LINGO1: variants seen among roughly 807,000 people sequenced by gnomAD.
LINGO1 encodes leucine rich repeat and Ig domain containing 1.
LINGO1 carries 11 observed loss-of-function variants against 37.3 expected under a neutral mutation model. That is an observed-to-expected ratio of 0.29 (90% confidence interval 0.19 to 0.49). The LOEUF is 0.49. LINGO1 is among the 20% of genes least tolerant of loss of function. LINGO1 has a pLI of 0.99. For synonymous variants in LINGO1, 387 were observed against 403.0 expected (o/e 0.96, Z 0.48); for missense variants, 585 against 878.2 (o/e 0.67, Z 4.22).
intron 1 of LINGO1, among the ~76,000 whole-genome samples, chr15:77,746,982 A>C (rs1226199303): frequency 6.6e-6 from 1 of 152,188 alleles, no homozygotes; most frequent in Non-Finnish European, 1.5e-5. Flanking sequence ...AGGAGAGGGC[A>C]GGGACTTACC....
chr15:77,783,285 G>A (rs1045323026), intron 1 of LINGO1, among the ~76,000 whole-genome samples: 7 of 152,190 alleles, frequency 4.6e-5, no homozygotes, highest in African/African-American at 7.2e-5. Context: ...TGTGCATAAC[G>A]TTCTAGCTGC....
At chr15:77,652,483 A>AGTGTGTG (rs2074780121) in intron 3 of LINGO1, among the ~76,000 whole-genome samples, 1 of 128,878 alleles carries the variant, frequency 7.8e-6, no homozygotes, top group Non-Finnish European at 1.6e-5. Context: ...GGGGAGGGAG[A>AGTGTGTG]GTGTGTGTGT....
At chr15:77,797,647 G>A (rs1458233185) in intron 1 of LINGO1, among the ~76,000 whole-genome samples, 2 of 152,212 alleles carry the variant, frequency 1.3e-5, no homozygotes, top group Non-Finnish European at 2.9e-5. Flanking sequence ...AGCAGCTTCC[G>A]CCTTCCCTGG....
At chr15:77,697,182 C>T (rs1039555322), upstream of LINGO1, among the ~76,000 whole-genome samples, 8 of 152,164 alleles carry the variant, frequency 5.3e-5, no homozygotes, top group African/African-American at 1.9e-4. Flanking sequence ...GCTGGAGCAG[C>T]TCAGGCCAGG....
In LINGO1 at chr15:77,658,567, G is replaced by A. The variant is rs928035772; in HGVS notation, c.-13+18522C>T. Among the ~76,000 whole-genome samples, 10 of 152,366 alleles carry A rather than the reference G, an allele frequency of 6.6e-5. No individual in the cohort carries two copies. The East Asian group carries it at 1.9e-3, about 29-fold the overall frequency. ...AAGTAATAACAGACTGACAAACTGG[G>A]ACTTCCAACAAAAGAAAGAGGAAGA... On this transcript the variant is annotated intron_variant, in intron 3 of 3. Coordinates refer to the LINGO1 transcript ENST00000559893.
At position 77,632,492 on chromosome 15, in the gene LINGO1, G is replaced by A; in HGVS notation, c.-177C>T. ...GCTGTCCGTCTGTCCGCCCCGCGCG[G>A]GCGGGAGCCGAGCCGGAGCCGGGGC... On this transcript the variant is annotated 5_prime_UTR_variant, in exon 1 of 2. Transcript: ENST00000355300. The surrounding 1 kb of genome is among the most constrained non-coding windows in gnomAD (Gnocchi z 6.0). 1 of 540,342 alleles carries A rather than the reference G, an allele frequency of 1.9e-6. No homozygotes were observed. Among genetic ancestry groups the A allele is most frequent in the Non-Finnish European group, 2.7e-6 (1 of 369,050 alleles). The allele number at this position is 540,342 out of a possible 1,614,324, so 33.5% of individuals were successfully genotyped here. A position where few individuals can be genotyped will look rare whatever the true frequency, so the allele number is the denominator to read the frequency against.
At chr15:77,812,891 C>T (rs752731699) in intron 1 of LINGO1, among the ~76,000 whole-genome samples, 1 of 152,204 alleles carries the variant, frequency 6.6e-6, no homozygotes, top group Non-Finnish European at 1.5e-5. Flanking sequence ...ACCCATAACT[C>T]GGGAGCTTCT....
upstream of LINGO1, among the ~76,000 whole-genome samples, chr15:77,699,737 C>A (rs1219342817): frequency 0.24 from 268 of 1,094 alleles, 3 homozygotes; most frequent in African/African-American, 0.39. Context: ...CACATACTAA[C>A]CATCACCTGC....
chr15:77,807,941 T>A (rs2076973650), intron 1 of LINGO1, among the ~76,000 whole-genome samples: 1 of 152,062 alleles, frequency 6.6e-6, no homozygotes, highest in Non-Finnish European at 1.5e-5. Context: ...GGGAGGGGCC[T>A]GGAAGGGGCC....
chr15:77,635,397 A>G (rs187125072), upstream of LINGO1, among the ~76,000 whole-genome samples: 30 of 152,148 alleles, frequency 2.0e-4, no homozygotes, highest in Admixed American at 1.8e-3. Flanking sequence ...GACTCCAGGA[A>G]AAGGGGGTCT....
chr15:77,695,745 C>T (rs1053834997), intron 1 of LINGO1, among the ~76,000 whole-genome samples: 5 of 152,202 alleles, frequency 3.3e-5, no homozygotes, highest in African/African-American at 4.8e-5. Context: ...CCCACCATGC[C>T]GGCCGATCTG....
At chr15:77,794,421 CGTATATGTATAT>C (rs1821056354) in intron 2 of LINGO1, among the ~76,000 whole-genome samples, 2 of 38,184 alleles carry the variant, frequency 5.2e-5, no homozygotes, top group African/African-American at 2.4e-4. Flanking sequence ...TATATACATA[CGTATATGTATAT>C]ACATACATAT....
intron 2 of LINGO1, among the ~76,000 whole-genome samples, chr15:77,728,766 T>A (rs1419654450): frequency 6.6e-6 from 1 of 152,254 alleles, no homozygotes; most frequent in Non-Finnish European, 1.5e-5. Context: ...ACTTAAGGAC[T>A]GTGTACTTTT....
At chr15:77,692,006 C>T (rs527402493) in intron 1 of LINGO1, among the ~76,000 whole-genome samples, 18 of 152,310 alleles carry the variant, frequency 1.2e-4, no homozygotes, top group African/African-American at 4.3e-4. Context: ...GTGCTCCTGG[C>T]TCCATGGAGA....
intron 1 of LINGO1, chr15:77,785,180 G>A (rs996164418): frequency 6.6e-6 from 1 of 152,216 alleles, no homozygotes; most frequent in Admixed American, 6.5e-5. Context: ...CTCAGGGCCT[G>A]GCACACAGTG....
chr15:77,714,114 G>A (rs567316781), intron 2 of LINGO1, among the ~76,000 whole-genome samples: 11 of 152,222 alleles, frequency 7.2e-5, no homozygotes, highest in Admixed American at 5.2e-4. Context: ...GGTCAAAAAC[G>A]AACTCCTGAT....
intron 1 of LINGO1, among the ~76,000 whole-genome samples, chr15:77,739,440 T>C (rs1252701303): frequency 1.3e-5 from 2 of 152,166 alleles, no homozygotes; most frequent in East Asian, 3.9e-4. Flanking sequence ...CTGCTTCCCC[T>C]CCCTCAGAAG....
chr15:77,638,186 C>G (rs1247011672), upstream of LINGO1, among the ~76,000 whole-genome samples: 15 of 152,222 alleles, frequency 9.9e-5, no homozygotes, highest in Admixed American at 9.8e-4. Context: ...CACGGCCCTT[C>G]TGCACTGGGT....
chr15:77,704,995 G>A (rs2075831839), intron 2 of LINGO1, among the ~76,000 whole-genome samples: 1 of 152,062 alleles, frequency 6.6e-6, no homozygotes, highest in Non-Finnish European at 1.5e-5. Context: ...GGGTGGCCAG[G>A]CTCCCATCTC....
Sources: gnomAD v4.1 joint callset for allele counts (sites outside exome capture counted in the v4.1 genomes callset) on GRCh38, gnomAD v4.1.1 for gene constraint, Gnocchi (gnomAD v3.1) non-coding constraint, MANE v1.5 for transcripts, NCBI Gene and HGNC (gene_info 2026-07-23, HGNC 2026-07-21) for gene names.